Variants in SLC2A13 observed in about 807,000 individuals in gnomAD.
SLC2A13 encodes solute carrier family 2 member 13, also known as proton myo-inositol cotransporter.
A neutral mutation model predicts 64.4 loss-of-function variants in SLC2A13; 32 were observed. The ratio of observed to expected loss-of-function variants is 0.50; its 90% CI spans 0.37 to 0.67. The LOEUF (loss-of-function observed/expected upper bound fraction) is 0.67, where lower values mean the gene tolerates loss of function less well. Ranked by LOEUF, SLC2A13 falls within the 30% of genes least tolerant of loss-of-function variation. The pLI is 0.00. For missense variants in SLC2A13, 743 were observed against 829.2 expected (o/e 0.90, Z 1.28); for synonymous variants, 338 against 327.1 (o/e 1.03, Z -0.36).
chr12:40,090,006 T>A (rs575310470), intron 1 of SLC2A13, among the ~76,000 whole-genome samples: 5 of 152,226 alleles, frequency 3.3e-5, no homozygotes, highest in South Asian at 2.1e-4. Context: ...TCTTTTTTTT[T>A]ATTGGCCAAA....
At chr12:39,773,760 A>C (rs1380282085) in intron 7 of SLC2A13, among the ~76,000 whole-genome samples, 2 of 152,184 alleles carry the variant, frequency 1.3e-5, no homozygotes, top group African/African-American at 4.8e-5. Context: ...GTGTATAAAA[A>C]CCAAAACTTC....
Position 40,048,055 on chromosome 12 carries a change from A to T in SLC2A13, c.712T>A (p.Trp238Arg), listed in dbSNP as rs1164071058. The T allele has an allele frequency of 1.9e-6, 3 of 1,595,188 alleles. No homozygotes were observed. The highest frequency in any genetic ancestry group is 2.6e-6 in the Non-Finnish European group (3 of 1,175,152). ...GAFSYLQKDG[W>R]RYMLGLAAVP... ...ATGTAAAAAGTATTTACAAACCTCC[A>T]TCCATCCTTCTGGAGATAACTGAAG... The change falls in exon 2 of 10, where the codon TGG becomes AGG. Residue 238 changes from tryptophan to arginine, a missense_variant. Transcript: ENST00000280871.
chr12:40,042,801 GT>G (rs1317427042), intron 2 of SLC2A13, among the ~76,000 whole-genome samples: 1 of 152,004 alleles, frequency 6.6e-6, no homozygotes, highest in East Asian at 1.9e-4. Context: ...ATATAATATG[GT>G]GAGTATAAAA....
intron 3 of SLC2A13, among the ~76,000 whole-genome samples, chr12:40,014,604 G>T (rs549477489): frequency 1.3e-5 from 2 of 152,074 alleles, no homozygotes; most frequent in Admixed American, 1.3e-4. Context: ...CAATTCTCCT[G>T]CCTCAGCCTC....
At chr12:39,975,838 G>T (rs1019204974) in intron 3 of SLC2A13, among the ~76,000 whole-genome samples, 1 of 150,242 alleles carries the variant, frequency 6.7e-6, no homozygotes, top group Non-Finnish European at 1.5e-5. Flanking sequence ...GGATACAAAT[G>T]TTCAATAACG....
At chr12:39,957,747 A>G (rs1946341685) in intron 3 of SLC2A13, among the ~76,000 whole-genome samples, 2 of 152,140 alleles carry the variant, frequency 1.3e-5, no homozygotes, top group Admixed American at 1.3e-4. Context: ...CACTTTAAGC[A>G]TTCCTCCTCC....
rs556639593 is a variant in SLC2A13, at chr12:40,076,441, T to C, written c.557-28231A>G. ...TTTTCTGTTCTTGCATTAATTCACA[T>C]TGGATAATGTTACTAGCAGCATCCA... On this transcript the variant is annotated intron_variant, in intron 1 of 9. Coordinates refer to ENST00000280871, the MANE Select transcript of SLC2A13 (RefSeq NM_052885.4). 9.6e-4 allele frequency among the ~76,000 whole-genome samples: 146 copies of C among 152,222 alleles called. 1 individual carries two copies. The highest frequency in any genetic ancestry group is 3.2e-3 in the African/African-American group (134 of 41,562).
At chr12:39,873,945 A>G (rs989519260) in intron 4 of SLC2A13, among the ~76,000 whole-genome samples, 3 of 152,212 alleles carry the variant, frequency 2.0e-5, no homozygotes, top group Non-Finnish European at 4.4e-5. Flanking sequence ...TTTATTTATT[A>G]AGTACCTAGT....
intron 4 of SLC2A13, among the ~76,000 whole-genome samples, chr12:39,924,622 T>C (rs1565544713): frequency 6.6e-6 from 1 of 152,166 alleles, no homozygotes; most frequent in Non-Finnish European, 1.5e-5. Flanking sequence ...AGGATCATTG[T>C]ATCGTTAGTA....
chr12:39,867,181 C>T (rs1446507050), intron 5 of SLC2A13, among the ~76,000 whole-genome samples: 1 of 152,070 alleles, frequency 6.6e-6, no homozygotes, highest in East Asian at 1.9e-4. Flanking sequence ...CCCTATTTTC[C>T]CAAATTACAT....
Position 40,106,038 on chromosome 12 carries a change from A to G in SLC2A13, c.-230T>C, listed in dbSNP as rs562777417. ...GTTGGAGCCCGGCGGGTCTCACTCC[A>G]CACTCACGCCCCGCGCCTGCCGAGC... On this transcript the variant is annotated 5_prime_UTR_variant, in exon 1 of 10. Transcript: ENST00000280871. The G allele has an allele frequency of 8.8e-4, 361 of 410,638 alleles. 3 individuals carry two copies. Among genetic ancestry groups the G allele is most frequent in the African/African-American group, 7.2e-3 (343 of 47,818 alleles). The allele number at this position is 410,638 out of a possible 1,614,324, so 25.4% of individuals were successfully genotyped here. A position where few individuals can be genotyped will look rare whatever the true frequency, so the allele number is the denominator to read the frequency against.
At chr12:39,980,638 T>C (rs1373665395) in intron 3 of SLC2A13, among the ~76,000 whole-genome samples, 2 of 149,786 alleles carry the variant, frequency 1.3e-5, no homozygotes, top group African/African-American at 2.4e-5. Context: ...CCTAAATATA[T>C]ATGCACCCAA....
At chr12:40,015,011 A>G in intron 3 of SLC2A13, among the ~76,000 whole-genome samples, 1 of 152,220 alleles carries the variant, frequency 6.6e-6, no homozygotes, top group Admixed American at 6.5e-5. Context: ...GTACGTCTCT[A>G]TTCCTGCTGG....
intron 2 of SLC2A13, among the ~76,000 whole-genome samples, chr12:40,032,136 G>A (rs1354434126): frequency 6.6e-6 from 1 of 152,098 alleles, no homozygotes; most frequent in Non-Finnish European, 1.5e-5. Flanking sequence ...CTGGGCCCAG[G>A]GAGTTGTTTT....
intron 7 of SLC2A13, among the ~76,000 whole-genome samples, chr12:39,765,226 A>C (rs1940304007): frequency 6.6e-6 from 1 of 152,088 alleles, no homozygotes; most frequent in African/African-American, 2.4e-5. Flanking sequence ...TCAGAGCCAG[A>C]TACTTTTCAT....
At chr12:39,989,216 CAGAT>C (rs1186178579) in intron 3 of SLC2A13, among the ~76,000 whole-genome samples, 2 of 152,182 alleles carry the variant, frequency 1.3e-5, no homozygotes, top group African/African-American at 4.8e-5. Context: ...CACACAGACT[CAGAT>C]AGCCACATGG....
At chr12:40,041,924 T>C (rs1188636380) in intron 2 of SLC2A13, among the ~76,000 whole-genome samples, 2 of 152,210 alleles carry the variant, frequency 1.3e-5, no homozygotes, top group East Asian at 3.8e-4. Context: ...GCCTCTCATG[T>C]ACATCATCAC....
At chr12:39,760,376 C>A in intron 9 of SLC2A13, 124 bp from the exon 10 acceptor site, 2 of 722,368 alleles carry the variant, frequency 2.8e-6, no homozygotes, top group Non-Finnish European at 4.4e-6. Context: ...TGAAATGGAC[C>A]AAAAAATTAC....
chr12:40,038,196 C>T (rs1948021636), intron 2 of SLC2A13, among the ~76,000 whole-genome samples: 1 of 152,074 alleles, frequency 6.6e-6, no homozygotes. Context: ...ATTGTATTTT[C>T]TTTCCATTCA....
Sources: allele counts gnomAD v4.1 joint callset (sites outside exome capture counted in the v4.1 genomes callset), GRCh38; gene constraint gnomAD v4.1.1; transcripts MANE v1.5; gene names NCBI Gene and HGNC (gene_info 2026-07-23, HGNC 2026-07-21).